Variants in LARGE1 observed in about 807,000 individuals in gnomAD.
LARGE1 encodes xylosyl- and glucuronyltransferase LARGE1.
In LARGE1, 43 loss-of-function variants were observed where a neutral mutation model predicts 87.6. The ratio of observed to expected loss-of-function variants is 0.49; its 90% confidence interval spans 0.38 to 0.63. The LOEUF (loss-of-function observed/expected upper bound fraction) is 0.63, where lower values mean the gene tolerates loss of function less well. Ranked by LOEUF, LARGE1 falls within the 30% of genes least tolerant of loss-of-function variation. LARGE1 has a pLI of 0.00. For synonymous variants in LARGE1, 434 were observed against 394.6 expected, an observed-to-expected ratio of 1.10 and a Z score of -1.18; for missense variants, 802 against 1,000.2, an observed-to-expected ratio of 0.80 and a Z score of 2.67.
intron 6 of LARGE1, among the ~76,000 whole-genome samples, chr22:33,489,865 G>T (rs2069751218): frequency 6.6e-6 from 1 of 152,210 alleles, no homozygotes; most frequent in Non-Finnish European, 1.5e-5. Flanking sequence ...GCGCTCAGAT[G>T]AATGGAAGTG....
intron 6 of LARGE1, among the ~76,000 whole-genome samples, chr22:33,466,399 C>T (rs1472756228): frequency 4.7e-5 from 7 of 149,472 alleles, no homozygotes; most frequent in Non-Finnish European, 7.4e-5. Context: ...CTCTGTCATA[C>T]TTGAACACCC....
chr22:33,302,218 C>T (rs1333875691), intron 12 of LARGE1, among the ~76,000 whole-genome samples: 1 of 152,222 alleles, frequency 6.6e-6, no homozygotes, highest in African/African-American at 2.4e-5. Context: ...ACCCTGGCTC[C>T]ACACACTGGA....
intron 1 of LARGE1, among the ~76,000 whole-genome samples, chr22:33,894,433 C>T (rs150288686): frequency 1.6e-3 from 243 of 152,274 alleles, no homozygotes; most frequent in African/African-American, 5.6e-3. Context: ...CCAGTTGCAA[C>T]CTTATTCCTG....
At chr22:33,497,108 C>G (rs181278475) in intron 6 of LARGE1, among the ~76,000 whole-genome samples, 86 of 146,464 alleles carry the variant, frequency 5.9e-4, no homozygotes, top group Non-Finnish European at 8.2e-4. Context: ...GAGTCTCACT[C>G]TGTCACCCAG....
intron 12 of LARGE1, among the ~76,000 whole-genome samples, chr22:33,292,300 A>G (rs1479239748): frequency 1.3e-5 from 2 of 152,190 alleles, no homozygotes; most frequent in Non-Finnish European, 2.9e-5. Context: ...TACAAACCCA[A>G]TTTGATGCCA....
At chr22:33,275,105 A>T (rs1928960951) in intron 14 of LARGE1, among the ~76,000 whole-genome samples, 1 of 152,208 alleles carries the variant, frequency 6.6e-6, no homozygotes, top group East Asian at 1.9e-4. Context: ...AAGAGGGTAC[A>T]AAACAGGAAT....
At chr22:33,733,259 T>C (rs2083534666) in intron 2 of LARGE1, 1 of 152,228 alleles carries the variant, frequency 6.6e-6, no homozygotes, top group Non-Finnish European at 1.5e-5. Flanking sequence ...TGGCAGACTC[T>C]AGTAATTTAA....
chr22:33,532,668 T>C (rs767163802), intron 6 of LARGE1, among the ~76,000 whole-genome samples: 2 of 152,190 alleles, frequency 1.3e-5, no homozygotes, highest in African/African-American at 2.4e-5. Flanking sequence ...TGCTTAAAGT[T>C]TTAGGCTTCT....
chr22:33,217,600 CAG>C (rs771007232), intron 11 of LARGE1, among the ~76,000 whole-genome samples: 41 of 152,050 alleles, frequency 2.7e-4, no homozygotes, highest in Non-Finnish European at 5.0e-4. Flanking sequence ...TAAAATGAAA[CAG>C]AAATGCATGG....
At chr22:33,554,368 C>T (rs549888010) in intron 6 of LARGE1, among the ~76,000 whole-genome samples, 5 of 152,254 alleles carry the variant, frequency 3.3e-5, no homozygotes, top group Admixed American at 3.3e-4. Flanking sequence ...GAAACTGTAA[C>T]AATCTGGTGA....
chr22:33,917,335 G>T (rs1156585708), intron 1 of LARGE1, among the ~76,000 whole-genome samples: 1 of 152,202 alleles, frequency 6.6e-6, no homozygotes, highest in Non-Finnish European at 1.5e-5. Flanking sequence ...GGGGCAGTCA[G>T]TGTTCTTCAG....
chr22:33,431,282 C>G (rs899968754), intron 7 of LARGE1, among the ~76,000 whole-genome samples: 1 of 152,088 alleles, frequency 6.6e-6, no homozygotes, highest in South Asian at 2.1e-4. Flanking sequence ...TAGCATAGGG[C>G]CTCGTACACA....
intron 12 of LARGE1, among the ~76,000 whole-genome samples, chr22:33,290,265 C>T (rs772221478): frequency 6.6e-5 from 10 of 152,112 alleles, no homozygotes; most frequent in Non-Finnish European, 8.8e-5. Context: ...GAAGAGATTA[C>T]GGGAAAGTGT....
chr22:33,081,518 C>G, the LARGE1 span, among the ~76,000 whole-genome samples: 33 of 152,214 alleles, frequency 2.2e-4, no homozygotes, highest in African/African-American at 5.1e-4. Flanking sequence ...AGGAAGAAAA[C>G]AGTAGGCAAT....
chr22:33,844,722 C>CT (rs748137716), intron 1 of LARGE1, among the ~76,000 whole-genome samples: 291 of 142,234 alleles, frequency 2.0e-3, no homozygotes, highest in Middle Eastern at 3.7e-3. Context: ...GGTTTCCAAA[C>CT]TTTTTTTTTT....
At chr22:33,669,940 T>C (rs931494555) in intron 2 of LARGE1, among the ~76,000 whole-genome samples, 3 of 152,200 alleles carry the variant, frequency 2.0e-5, no homozygotes, top group Admixed American at 6.5e-5. Flanking sequence ...TTATAATTCA[T>C]GAGGCCTTTT....
intron 1 of LARGE1, among the ~76,000 whole-genome samples, chr22:33,862,896 C>G (rs556665581): frequency 6.6e-6 from 1 of 152,014 alleles, no homozygotes; most frequent in African/African-American, 2.4e-5. Context: ...TAGTATCTAT[C>G]AGAGGTAGCA....
the LARGE1 span, among the ~76,000 whole-genome samples, chr22:33,086,761 C>G: frequency 6.6e-6 from 1 of 151,918 alleles, no homozygotes; most frequent in Non-Finnish European, 1.5e-5. Flanking sequence ...CCATATTGGC[C>G]AGGATGGTCT....
At chr22:33,779,977 A>T (rs1215498837) in intron 1 of LARGE1, among the ~76,000 whole-genome samples, 1 of 133,284 alleles carries the variant, frequency 7.5e-6, no homozygotes, top group African/African-American at 2.5e-5. Flanking sequence ...AACTTGTCTC[A>T]CAGTTCTGTG....
Sources: allele counts gnomAD v4.1 joint callset (sites outside exome capture counted in the v4.1 genomes callset), GRCh38; gene constraint gnomAD v4.1.1; transcripts MANE v1.5; gene names NCBI Gene and HGNC (gene_info 2026-07-23, HGNC 2026-07-21).